NBL1: variants seen among roughly 807,000 people sequenced by gnomAD.
NBL1 encodes the protein NBL1, DAN family BMP antagonist.
A neutral mutation model predicts 16.0 loss-of-function variants in NBL1; 9 were observed. The observed-to-expected ratio is 0.56, with a 90% confidence interval of 0.34 to 0.98. NBL1 has a LOEUF of 0.98. NBL1 is among the 50% of genes least tolerant of loss of function. NBL1 has a pLI of 0.02. For missense variants in NBL1, 196 were observed against 243.1 expected (o/e 0.81, Z 1.29); for synonymous variants, 86 against 100.7 (o/e 0.85, Z 0.87).
At chr1:19,653,398 C>T (rs2095038444) in intron 1 of NBL1, among the ~76,000 whole-genome samples, 1 of 152,058 alleles carries the variant, frequency 6.6e-6, no homozygotes, top group Non-Finnish European at 1.5e-5. Context: ...TGCTGGGCTT[C>T]TGTGGGGCCA....
intron 1 of NBL1, among the ~76,000 whole-genome samples, chr1:19,647,256 T>C (rs2094986342): frequency 6.6e-6 from 1 of 151,982 alleles, no homozygotes; most frequent in African/African-American, 2.4e-5. Flanking sequence ...AGACCTTGTC[T>C]CTTCAAAAAA....
chr1:19,649,760 C>G (rs974462913), intron 1 of NBL1, among the ~76,000 whole-genome samples: 1 of 152,090 alleles, frequency 6.6e-6, no homozygotes, highest in Non-Finnish European at 1.5e-5. Context: ...CTCCCAGGAC[C>G]GAGTGATCCT....
intron 1 of NBL1, among the ~76,000 whole-genome samples, chr1:19,651,032 C>T (rs542396414): frequency 6.6e-6 from 1 of 152,314 alleles, no homozygotes; most frequent in South Asian, 2.1e-4. Context: ...AGAGAGCTGA[C>T]CTTAGTGGGT....
chr1:19,655,974 G>A (rs541042122), intron 3 of NBL1, among the ~76,000 whole-genome samples: 6 of 152,096 alleles, frequency 3.9e-5, no homozygotes, highest in African/African-American at 7.2e-5. Context: ...CCCAAGCAGC[G>A]TTTCCTCAGG....
At chr1:19,648,676 C>T (rs367776053) in intron 1 of NBL1, among the ~76,000 whole-genome samples, 2 of 151,928 alleles carry the variant, frequency 1.3e-5, no homozygotes, top group East Asian at 1.9e-4. Flanking sequence ...CTGTTGTCAC[C>T]TCCTGGGGAA....
In NBL1 at chr1:19,645,513, C is replaced by T. The variant is rs949835128; in HGVS notation, c.-20+1067C>T. ...GACGCCACCAGCCTGTAACTAGGGG[C>T]ACCCCAGGAAAACAGAGGTCAGGGC... On this transcript the variant is annotated intron_variant, in intron 1 of 3. Transcript: ENST00000375136. 3.0e-6 allele frequency: 3 copies of T among 1,000,746 alleles called. No homozygotes were observed. The South Asian group carries it at 1.3e-4, about 43-fold the overall frequency. The allele number at this position is 1,000,746 out of a possible 1,614,324, so 62.0% of individuals were successfully genotyped here. A position where few individuals can be genotyped will look rare whatever the true frequency, so the allele number is the denominator to read the frequency against.
chr1:19,645,815 A>T lies in NBL1; in HGVS notation c.-20+1369A>T, dbSNP rs878938328. 8.7e-5 allele frequency: 126 copies of T among 1,450,860 alleles called. 2 individuals are homozygous for T. The South Asian group carries it at 1.6e-3, about 18-fold the overall frequency. 89.9% of individuals were successfully genotyped at this position (1,450,860 alleles called of 1,614,324 possible). A position where few individuals can be genotyped will look rare whatever the true frequency, so the allele number is the denominator to read the frequency against. On this transcript the variant is annotated intron_variant, in intron 1 of 3. Coordinates refer to ENST00000375136, the MANE Select transcript of NBL1 (RefSeq NM_005380.8). ...AGTAGGTGTTCTGCATCGGCCAGGG[A>T]TATCGCCTCATTATTTTAAAGTGAA...
chr1:19,647,550 G>A, intron 1 of NBL1: 1 of 948,474 alleles, frequency 1.1e-6, no homozygotes, highest in Non-Finnish European at 1.3e-6. Context: ...GAGTGTGGGG[G>A]GAGAGGAAAG....
intron 1 of NBL1, 65 bp from the exon 2 acceptor site, chr1:19,654,947 G>A (rs1008457479): frequency 5.4e-6 from 8 of 1,485,072 alleles, no homozygotes; most frequent in Middle Eastern, 2.5e-4. Context: ...AGTCCATGCT[G>A]TAACACCACT....
intron 1 of NBL1, among the ~76,000 whole-genome samples, chr1:19,653,965 G>A (rs763573584): frequency 5.3e-5 from 8 of 152,184 alleles, no homozygotes; most frequent in Admixed American, 2.0e-4. Context: ...ATTGGCTCCC[G>A]CTTGACTCAC....
At chr1:19,656,799 C>G (rs907945845) in intron 3 of NBL1, 67 bp from the exon 4 acceptor site, 1 of 1,527,950 alleles carries the variant, frequency 6.5e-7, no homozygotes, top group South Asian at 1.3e-5. Context: ...AAGTATTACC[C>G]TAGGGGCTGC....
At chr1:19,647,982 G>A (rs182247253) in intron 1 of NBL1, among the ~76,000 whole-genome samples, 2 of 152,038 alleles carry the variant, frequency 1.3e-5, no homozygotes, top group Admixed American at 6.6e-5. Flanking sequence ...GCGTTCATAG[G>A]GGGCACAGGT....
chr1:19,657,336 G>T lies in NBL1; in HGVS notation c.*207G>T. 2.7e-6 allele frequency: 1 copy of T among 374,006 alleles called. No individual in the cohort carries two copies. Among genetic ancestry groups the T allele is most frequent in the Non-Finnish European group, 4.8e-6 (1 of 208,266 alleles). 23.2% of individuals were successfully genotyped at this position (374,006 alleles called of 1,614,324 possible). Reference sequence around the variant, plus strand: ...CACAATTTAATATATTCAAGAGTGGGGGGAGGAAGCAGAGGTCTTCAGGGC... The same window carrying T: ...CACAATTTAATATATTCAAGAGTGGTGGGAGGAAGCAGAGGTCTTCAGGGC... On this transcript the variant is annotated 3_prime_UTR_variant, in exon 4 of 4. Coordinates refer to ENST00000375136, the MANE Select transcript of NBL1 (RefSeq NM_005380.8).
chr1:19,646,954 T>C (rs2094984249), intron 1 of NBL1, among the ~76,000 whole-genome samples: 1 of 152,186 alleles, frequency 6.6e-6, no homozygotes, highest in East Asian at 1.9e-4. Context: ...CCGAGGATCC[T>C]GTGGGAGCGA....
rs1317837641 is a variant in NBL1, at chr1:19,655,057, T to C, written c.27T>C (p.Ala9=). The change falls in exon 2 of 4, where the codon GCT becomes GCC. Residue 9 remains alanine (A), a synonymous_variant. Coordinates refer to ENST00000375136, the MANE Select transcript of NBL1 (RefSeq NM_005380.8). MMLRVLVG[A]VLPAMLLAAP... ...TGATGCTTCGGGTCCTGGTGGGGGCTGTCCTCCCTGCCATGCTACTGGCTG... is the reference window on the plus strand; with the variant it reads ...TGATGCTTCGGGTCCTGGTGGGGGCCGTCCTCCCTGCCATGCTACTGGCTG... The C allele has an allele frequency of 3.7e-6, 6 of 1,611,880 alleles. No homozygotes were observed. The South Asian group carries it at 6.6e-5, about 18-fold the overall frequency.
intron 1 of NBL1, among the ~76,000 whole-genome samples, chr1:19,648,551 G>C (rs3790742): frequency 0.15 from 22,644 of 152,236 alleles, 1,842 homozygotes; most frequent in Middle Eastern, 0.24. Flanking sequence ...TTTCAGGAAA[G>C]CAACCAGGGC....
chr1:19,657,154 C>T lies in NBL1; in HGVS notation c.*25C>T. 1 of 1,098,592 alleles carries T rather than the reference C, an allele frequency of 9.1e-7. No individual in the cohort carries two copies. The highest frequency in any genetic ancestry group is 1.3e-6 in the Non-Finnish European group (1 of 774,942). The allele number at this position is 1,098,592 out of a possible 1,614,324, so 68.1% of individuals were successfully genotyped here. ...AGGCCCCCCCAACTCTTCCTCCCCT[C>T]TCATCCCCCTGTGGAATGTTGGGTC... On this transcript the variant is annotated 3_prime_UTR_variant, in exon 4 of 4. Coordinates refer to ENST00000375136, the MANE Select transcript of NBL1 (RefSeq NM_005380.8).
Position 19,654,962 on chromosome 1 carries a change from G to A in NBL1, c.-19-50G>A, listed in dbSNP as rs369866044. ...AGTCCATGCTGTAACACCACTACCC[G>A]GCCCCCTGCACCTTGCTGTGCCTCA... On this transcript the variant is annotated intron_variant, in intron 1 of 3. Transcript: ENST00000375136. 74 of 1,501,822 alleles carry A rather than the reference G, an allele frequency of 4.9e-5. No individual in the cohort carries two copies. The African/African-American group carries it at 5.0e-4, about 10-fold the overall frequency. The allele number at this position is 1,501,822 out of a possible 1,614,324, so 93.0% of individuals were successfully genotyped here.
chr1:19,651,989 C>A (rs1297880456), intron 1 of NBL1, among the ~76,000 whole-genome samples: 3 of 152,178 alleles, frequency 2.0e-5, no homozygotes, highest in Admixed American at 6.5e-5. Context: ...GTGGTCCTCC[C>A]GCTTTGGCCT....
Sources: gnomAD v4.1 joint callset for allele counts (sites outside exome capture counted in the v4.1 genomes callset) on GRCh38, gnomAD v4.1.1 for gene constraint, MANE v1.5 for transcripts, NCBI Gene and HGNC (gene_info 2026-07-23, HGNC 2026-07-21) for gene names.